The following BIN1 variants were observed in gnomAD, a reference collection of about 807,000 sequenced individuals.
The protein encoded by BIN1 is bridging integrator 1.
In BIN1, 53 loss-of-function variants were observed where a neutral mutation model predicts 82.0. That is an observed-to-expected ratio of 0.65 (90% CI 0.52 to 0.81). The LOEUF (loss-of-function observed/expected upper bound fraction) is 0.81. Ranked by LOEUF, BIN1 falls within the 40% of genes least tolerant of loss-of-function variation. The pLI, the probability that BIN1 is intolerant of heterozygous loss-of-function variation, is 0.00. For synonymous variants in BIN1, 302 were observed against 328.0 expected (o/e 0.92, Z 0.86); for missense variants, 642 against 784.4 (o/e 0.82, Z 2.17).
At position 127,070,564 on chromosome 2, in the gene BIN1, T is replaced by C; in HGVS notation, c.304A>G (p.Lys102Glu). The change falls in exon 4 of 19, where the codon AAG becomes GAG. Residue 102 changes from lysine (K) to glutamate (E), a missense_variant. By Grantham distance (56) the Lys-to-Glu change is moderately conservative. Coordinates refer to ENST00000316724, the MANE Select transcript of BIN1 (RefSeq NM_139343.3). ...PDWPGRDEAN[K>E]IAENNDLLWM... ...TGTCCCATGCTCACCTCTGCGATCT[T>C]GTTTGCCTCATCCCTGCCGGGCCAA... 2 of 1,614,066 alleles carry C rather than the reference T, an allele frequency of 1.2e-6. No homozygotes were observed. The highest frequency in any genetic ancestry group is 1.7e-6 in the Non-Finnish European group (2 of 1,179,988).
chr2:127,106,969 AG>A lies in BIN1; in HGVS notation c.-27del. The A allele has an allele frequency of 6.2e-7, 1 of 1,601,584 alleles. No individual in the cohort carries two copies. Among genetic ancestry groups the A allele is most frequent in the South Asian group, 1.1e-5 (1 of 89,566 alleles). On this transcript the variant is annotated 5_prime_UTR_variant, in exon 1 of 19. Transcript: ENST00000316724. ...CGCGGCGCAGGCCTCGCCCGGTGGC[AG>A]GGGCCGCTCTCGCGCGGGGAGATCT...
chr2:127,050,579 G>C (rs1159532832), intron 17 of BIN1, 57 bp from the exon 18 acceptor site: 3 of 1,586,228 alleles, frequency 1.9e-6, no homozygotes, highest in Non-Finnish European at 2.6e-6. Flanking sequence ...GCCCTGCACA[G>C]AGCACGGGCC....
intron 7 of BIN1, chr2:127,064,900 TGCGGGAGGACACTGCCG>T (rs1376878241): frequency 5.9e-5 from 9 of 152,274 alleles, no homozygotes; most frequent in Admixed American, 4.6e-4. Flanking sequence ...GCTGGCTCAC[TGCGGGAGGACACTGCCG>T]GCGAGAGTGA....
chr2:127,106,807 G>C, intron 1 of BIN1, 53 bp downstream of exon 1: 2 of 1,551,228 alleles, frequency 1.3e-6, no homozygotes, highest in South Asian at 1.2e-5. Context: ...ACAGGTGGCC[G>C]GGGCTCCGCG....
At chr2:127,104,312 G>T (rs1327293715) in intron 1 of BIN1, among the ~76,000 whole-genome samples, 1 of 152,204 alleles carries the variant, frequency 6.6e-6, no homozygotes, top group African/African-American at 2.4e-5. Flanking sequence ...ACCAGTGGTG[G>T]AGGCAGAAGG....
At chr2:127,060,229 C>A (rs932327991) in intron 10 of BIN1, among the ~76,000 whole-genome samples, 1 of 152,222 alleles carries the variant, frequency 6.6e-6, no homozygotes, top group African/African-American at 2.4e-5. Flanking sequence ...ATGGTATACA[C>A]ATAGAATTGT....
At chr2:127,060,980 C>T (rs1453841050) in intron 10 of BIN1, among the ~76,000 whole-genome samples, 2 of 152,166 alleles carry the variant, frequency 1.3e-5, no homozygotes, top group African/African-American at 2.4e-5. Context: ...GCACAGAGTG[C>T]ACAAGAGGCC....
intron 1 of BIN1, among the ~76,000 whole-genome samples, chr2:127,101,005 G>GGGGGGGGC (rs1558889005): frequency 8.6e-6 from 1 of 116,314 alleles, no homozygotes; most frequent in Non-Finnish European, 2.0e-5. Flanking sequence ...TGTGCGGGGG[G>GGGGGGGGC]TGGGGATAGA....
chr2:127,062,340 C>G, intron 9 of BIN1, 143 bp from the exon 10 acceptor site: 1 of 841,116 alleles, frequency 1.2e-6, no homozygotes, highest in East Asian at 2.7e-5. Context: ...GAGCAAGGAA[C>G]TAGCACACCA....
Position 127,090,932 on chromosome 2 carries a change from G to A in BIN1, c.85-14226C>T, listed in dbSNP as rs1052480947. 3.9e-5 allele frequency among the ~76,000 whole-genome samples: 6 copies of A among 152,178 alleles called. No homozygotes were observed. The highest frequency in any genetic ancestry group is 1.4e-4 in the African/African-American group (6 of 41,438). On this transcript the variant is annotated intron_variant, in intron 1 of 18. Coordinates refer to ENST00000316724, the MANE Select transcript of BIN1 (RefSeq NM_139343.3). This position sits in a 1 kb window ranked among gnomAD's most constrained non-coding sequence, Gnocchi z 6.4. ...TTCCCCGACTCCACTCCAGGCACAG[G>A]AGCTGACTTGTTCTTCTGGATGCCT...
chr2:127,062,195 G>A lies in BIN1; in HGVS notation c.777C>T (p.Leu259=). The change falls in exon 10 of 19, where the codon CTC becomes CTT. Residue 259 remains leucine, a splice_region_variant and synonymous_variant. Transcript: ENST00000316724. ...CCAGCACATCATTGAGGTTCTGGTT[G>A]AGCTGCAGGAGAGACAGTGAGGAGG... ...EENFHKEMSK[L]NQNLNDVLVG... 6.2e-7 allele frequency: 1 copy of A among 1,604,386 alleles called. No homozygotes were observed. Among genetic ancestry groups the A allele is most frequent in the Non-Finnish European group, 8.5e-7 (1 of 1,175,400 alleles).
At chr2:127,052,424 T>C (rs897671778) in intron 14 of BIN1, 62 bp from the exon 15 acceptor site, 26 of 1,424,102 alleles carry the variant, frequency 1.8e-5, no homozygotes, top group Admixed American at 4.0e-5. Context: ...GGAAAGGCAA[T>C]GGGCAGGATC....
chr2:127,054,236 G>A, intron 12 of BIN1: 1 of 587,856 alleles, frequency 1.7e-6, no homozygotes, highest in East Asian at 3.0e-5. Flanking sequence ...ACGCGCCCCG[G>A]CACAGGCTCC....
intron 1 of BIN1, among the ~76,000 whole-genome samples, chr2:127,102,275 G>C (rs997556714): frequency 6.6e-6 from 1 of 152,162 alleles, no homozygotes; most frequent in African/African-American, 2.4e-5. Context: ...GGACCAGCTG[G>C]GCTGGACGCT....
chr2:127,049,806 C>T (rs1020137629), intron 18 of BIN1, among the ~76,000 whole-genome samples: 5 of 152,230 alleles, frequency 3.3e-5, no homozygotes, highest in African/African-American at 9.6e-5. Flanking sequence ...ACACTTAGCA[C>T]CCACCCAGGC....
rs1683086231 is a variant in BIN1, at chr2:127,052,446, G to T, written c.1264-84C>A. 7 of 1,305,836 alleles carry T rather than the reference G, an allele frequency of 5.4e-6. No individual in the cohort carries two copies. The East Asian group carries it at 1.5e-4, about 29-fold the overall frequency. 80.9% of individuals were successfully genotyped at this position (1,305,836 alleles called of 1,614,324 possible). On this transcript the variant is annotated intron_variant, in intron 14 of 18. Transcript: ENST00000316724. ...CAATGGGCAGGATCACAAGACAAGA[G>T]AAAATGTCACCAGCGGCTGGGGTTG... is the stretch of plus-strand genomic sequence containing the variant.
chr2:127,048,255 C>T lies in BIN1; in HGVS notation c.*271G>A, dbSNP rs1682424342. The T allele has an allele frequency of 4.3e-6, 2 of 462,432 alleles. No individual in the cohort carries two copies. Among genetic ancestry groups the T allele is most frequent in the Admixed American group, 6.8e-5 (2 of 29,480 alleles). The allele number at this position is 462,432 out of a possible 1,614,324, so 28.6% of individuals were successfully genotyped here. The stretch of plus-strand genomic sequence containing the variant: ...CCCCCAGCCCCGCCCTGCGGCCAGG[C>T]ACACATGCGGGCACAGGCAGGGGCG... On this transcript the variant is annotated 3_prime_UTR_variant, in exon 19 of 19. Transcript: ENST00000316724.
intron 1 of BIN1, among the ~76,000 whole-genome samples, chr2:127,087,866 C>T (rs893186288): frequency 1.3e-5 from 2 of 152,186 alleles, no homozygotes; most frequent in African/African-American, 2.4e-5. Context: ...CCCCTCCCCT[C>T]GGGACCATCC....
At chr2:127,099,907 G>A (rs1231773698) in intron 1 of BIN1, among the ~76,000 whole-genome samples, 3 of 151,700 alleles carry the variant, frequency 2.0e-5, no homozygotes, top group East Asian at 1.9e-4. Flanking sequence ...AGGTTCAAGC[G>A]ATTCTACTGC....
Sources: allele counts gnomAD v4.1 joint callset (sites outside exome capture counted in the v4.1 genomes callset), GRCh38; gene constraint gnomAD v4.1.1; non-coding constraint Gnocchi (gnomAD v3.1); transcripts MANE v1.5; gene names NCBI Gene and HGNC (gene_info 2026-07-23, HGNC 2026-07-21).